The following RNF170 variants were observed in gnomAD, a reference collection of about 807,000 sequenced individuals.
RNF170 encodes the protein E3 ubiquitin-protein ligase RNF170.
RNF170 carries 12 observed loss-of-function variants against 32.7 expected under a neutral mutation model. The ratio of observed to expected loss-of-function variants is 0.37; its 90% CI spans 0.24 to 0.60. The LOEUF is 0.60. Among genes scored for constraint, RNF170 ranks in the 20% least tolerant of loss-of-function variants. The probability of loss-of-function intolerance (pLI) is 0.72; values close to 1 mark genes in which losing one functional copy is unlikely to be tolerated. For synonymous variants in RNF170, 91 were observed against 103.6 expected (o/e 0.88, Z 0.74); for missense variants, 212 against 311.2 (o/e 0.68, Z 2.40).
rs1803162625 is a variant in RNF170 at position 42,855,256 on chromosome 8, G to A, written c.*903C>T. ...TTTTTTTTTTTTTTTTTGAGAGGGA[G>A]TCTCACTCTGTTGCCCAGGCTGGAG... On this transcript the variant is annotated 3_prime_UTR_variant, in exon 7 of 7. Transcript: ENST00000527424. 1 of 1,239,810 alleles carries A rather than the reference G, an allele frequency of 8.1e-7. No individual in the cohort carries two copies. The highest frequency in any genetic ancestry group is 1.0e-6 in the Non-Finnish European group (1 of 954,338). 76.8% of individuals were successfully genotyped at this position (1,239,810 alleles called of 1,614,324 possible).
chr8:42,855,921 G>T lies in RNF170; in HGVS notation c.*238C>A. Reference sequence around the variant, plus strand: ...TTCCATATTTTTTCCAGACAACATAGAATCAAGATACAACTGTAGATCATT... The same window carrying T: ...TTCCATATTTTTTCCAGACAACATATAATCAAGATACAACTGTAGATCATT... On this transcript the variant is annotated 3_prime_UTR_variant, in exon 7 of 7. Transcript: ENST00000527424. The T allele has an allele frequency of 2.3e-6, 3 of 1,292,310 alleles. No individual in the cohort carries two copies. Among genetic ancestry groups the T allele is most frequent in the Non-Finnish European group, 3.1e-6 (3 of 981,774 alleles). The allele number at this position is 1,292,310 out of a possible 1,614,324, so 80.1% of individuals were successfully genotyped here.
chr8:42,894,845 C>T (rs987614051), intron 1 of RNF170, among the ~76,000 whole-genome samples: 2 of 152,100 alleles, frequency 1.3e-5, no homozygotes, highest in Non-Finnish European at 2.9e-5. Context: ...CGAGACACCG[C>T]GCCTGGCCAC....
intron 4 of RNF170, among the ~76,000 whole-genome samples, chr8:42,866,450 C>A (rs915313151): frequency 6.6e-6 from 1 of 151,680 alleles, no homozygotes; most frequent in African/African-American, 2.4e-5. Context: ...ACTTGGGAGG[C>A]TGAGGCAAGG....
Position 42,853,667 on chromosome 8 carries a change from GA to G in RNF170, c.*2491del. On this transcript the variant is annotated 3_prime_UTR_variant, in exon 7 of 7. Coordinates refer to ENST00000527424, the MANE Select transcript of RNF170 (RefSeq NM_030954.4). ...TTATATGATCTAACTCTGAATCACG[GA>G]AGTATTACTATGATGTTCAAAACTC... The G allele has an allele frequency of 1.6e-6, 2 of 1,286,298 alleles. No individual in the cohort carries two copies. Among genetic ancestry groups the G allele is most frequent in the Non-Finnish European group, 2.0e-6 (2 of 988,150 alleles). 79.7% of individuals were successfully genotyped at this position (1,286,298 alleles called of 1,614,324 possible).
At chr8:42,881,404 C>G (rs148457015) in intron 2 of RNF170, 61 of 152,110 alleles carry the variant, frequency 4.0e-4, no homozygotes, top group African/African-American at 1.4e-3. Flanking sequence ...CATCAGGTTG[C>G]CTAAGGAGGA....
chr8:42,862,026 A>G (rs1307214595), intron 5 of RNF170, among the ~76,000 whole-genome samples, 171 bp from the exon 6 acceptor site: 1 of 152,194 alleles, frequency 6.6e-6, no homozygotes, highest in Non-Finnish European at 1.5e-5. Flanking sequence ...AATAAAATCC[A>G]ATGCAACATA....
downstream of RNF170, chr8:42,850,291 GA>G: frequency 5.6e-6 from 1 of 179,170 alleles, no homozygotes; most frequent in Non-Finnish European, 1.2e-5. Flanking sequence ...TACTCTGTGG[GA>G]AAGGGAGAGC....
intron 6 of RNF170, among the ~76,000 whole-genome samples, chr8:42,856,923 C>G (rs1803285658): frequency 6.6e-6 from 1 of 152,076 alleles, no homozygotes; most frequent in Admixed American, 6.6e-5. Flanking sequence ...GAAAAGGTTC[C>G]CTGGCAAGCG....
In RNF170 at chr8:42,855,913, A is replaced by G. The variant is rs1247391894; in HGVS notation, c.*246T>C. 7.8e-7 allele frequency: 1 copy of G among 1,275,092 alleles called. No homozygotes were observed. Among genetic ancestry groups the G allele is most frequent in the Non-Finnish European group, 1.0e-6 (1 of 971,796 alleles). 79.0% of individuals were successfully genotyped at this position (1,275,092 alleles called of 1,614,324 possible). A position where few individuals can be genotyped will look rare whatever the true frequency, so the allele number is the denominator to read the frequency against. On this transcript the variant is annotated 3_prime_UTR_variant, in exon 7 of 7. Transcript: ENST00000527424. The stretch of plus-strand genomic sequence containing the variant: ...TTATATAATTCCATATTTTTTCCAG[A>G]CAACATAGAATCAAGATACAACTGT...
At chr8:42,878,164 C>T (rs541705611) in intron 2 of RNF170, among the ~76,000 whole-genome samples, 4 of 152,280 alleles carry the variant, frequency 2.6e-5, no homozygotes. Context: ...GAGGCATTGA[C>T]AATATTGAAA....
intron 1 of RNF170, among the ~76,000 whole-genome samples, chr8:42,892,942 G>C (rs773751158): frequency 6.6e-6 from 1 of 152,006 alleles, no homozygotes; most frequent in African/African-American, 2.4e-5. Flanking sequence ...AGCCAAGATC[G>C]CACCACTGCA....
rs546717980 is a variant in RNF170 at position 42,861,339 on chromosome 8, T to TC, written c.507+405dup. The TC allele has an allele frequency of 1.2e-3, 197 of 160,620 alleles. 5 individuals carry two copies. In the South Asian group the frequency reaches 0.034, roughly 27 times the overall value. The allele number at this position is 160,620 out of a possible 1,614,324, so 9.9% of individuals were successfully genotyped here. On this transcript the variant is annotated intron_variant, in intron 6 of 6. Transcript: ENST00000527424. The stretch of plus-strand genomic sequence containing the variant: ...ACACATATAATGAGATTTTTTTTTT[T>TC]CTTTTTCTTTTCTTGTTTTTTGAGG...
chr8:42,883,190 A>G (rs1448970823), intron 2 of RNF170, among the ~76,000 whole-genome samples: 1 of 152,120 alleles, frequency 6.6e-6, no homozygotes, highest in Non-Finnish European at 1.5e-5. Flanking sequence ...AATACTACCT[A>G]TTGAGTACAG....
chr8:42,887,062 G>A (rs144452552), intron 2 of RNF170, among the ~76,000 whole-genome samples: 7,235 of 152,140 alleles, frequency 0.048, 230 homozygotes, highest in South Asian at 0.086. Flanking sequence ...GGAGGCTGAC[G>A]CAGGTGGATC....
In RNF170 at chr8:42,855,869, T is replaced by G; in HGVS notation, c.*290A>C. 4.2e-6 allele frequency: 5 copies of G among 1,198,492 alleles called. No homozygotes were observed. The highest frequency in any genetic ancestry group is 5.4e-6 in the Non-Finnish European group (5 of 921,968). The allele number at this position is 1,198,492 out of a possible 1,614,324, so 74.2% of individuals were successfully genotyped here. On this transcript the variant is annotated 3_prime_UTR_variant, in exon 7 of 7. Coordinates refer to ENST00000527424, the MANE Select transcript of RNF170 (RefSeq NM_030954.4). ...TAAGTAATTCTGGGGAAAAGAAAAA[T>G]ATATAAAAGCATCCCTTTTTATATA... is the stretch of plus-strand genomic sequence containing the variant.
At chr8:42,892,461 A>C (rs1391925825) in intron 1 of RNF170, among the ~76,000 whole-genome samples, 1 of 152,212 alleles carries the variant, frequency 6.6e-6, no homozygotes, top group African/African-American at 2.4e-5. Flanking sequence ...TAGCACGCCC[A>C]GCCAAAAATT....
chr8:42,894,176 C>A (rs973200809), intron 1 of RNF170, among the ~76,000 whole-genome samples: 1 of 152,152 alleles, frequency 6.6e-6, no homozygotes, highest in East Asian at 1.9e-4. Flanking sequence ...ACTGGAATTA[C>A]AAAATGAAAC....
rs1805216357 is a variant in RNF170 at position 42,879,566 on chromosome 8, G to C, written c.138-5560C>G. On this transcript the variant is annotated intron_variant, in intron 2 of 6. Coordinates refer to ENST00000527424, the MANE Select transcript of RNF170 (RefSeq NM_030954.4). The stretch of plus-strand genomic sequence containing the variant: ...CTTGGGAGGCTGAGGCAGGAGAACA[G>C]CATGAACCCGGGGGGCGGTGGTTGC... Among the ~76,000 whole-genome samples the C allele has an allele frequency of 3.3e-5, 5 of 152,272 alleles. No homozygotes were observed. In the South Asian group the frequency reaches 8.3e-4, roughly 25 times the overall value.
At chr8:42,897,249 C>A, upstream of RNF170, 1 of 1,135,880 alleles carries the variant, frequency 8.8e-7, no homozygotes, top group Non-Finnish European at 1.1e-6. Flanking sequence ...CCGGGACCCT[C>A]CACGCGCGGC....
Sources: gnomAD v4.1 joint callset for allele counts (sites outside exome capture counted in the v4.1 genomes callset) on GRCh38, gnomAD v4.1.1 for gene constraint, MANE v1.5 for transcripts, NCBI Gene and HGNC (gene_info 2026-07-23, HGNC 2026-07-21) for gene names.